Variants in EPHA6 observed in about 807,000 individuals in gnomAD.
EPHA6 encodes EPH receptor A6, also known as ephrin type-A receptor 6.
EPHA6 carries 50 observed loss-of-function variants against 112.0 expected under a neutral mutation model. The observed-to-expected ratio is 0.45, with a 90% CI of 0.36 to 0.56. The LOEUF is 0.56. Among genes scored for constraint, EPHA6 ranks in the 20% least tolerant of loss-of-function variants. The pLI is 0.00. For missense variants in EPHA6, 1,280 were observed against 1,417.4 expected (o/e 0.90, Z 1.56); for synonymous variants, 529 against 490.7 (o/e 1.08, Z -1.03).
chr3:97,209,471 CATTA>C (rs2077806159), intron 3 of EPHA6, among the ~76,000 whole-genome samples: 2 of 152,098 alleles, frequency 1.3e-5, no homozygotes, highest in South Asian at 2.1e-4. Flanking sequence ...AAAATGAGGA[CATTA>C]ATACTCACAT....
rs1379219378 is a variant in EPHA6 at position 97,358,244 on chromosome 3, A to G, written c.1607-46906A>G. On this transcript the variant is annotated intron_variant, in intron 5 of 17. Coordinates refer to ENST00000389672, the MANE Select transcript of EPHA6 (RefSeq NM_001080448.3). ...CATTTCCTTTTTCGTGTTTTTGGTA[A>G]CTATTTTCTTGGTGGTTATTATGGG... 2.0e-5 allele frequency among the ~76,000 whole-genome samples: 3 copies of G among 147,608 alleles called. No homozygotes were observed. The East Asian group carries it at 6.0e-4, about 29-fold the overall frequency.
At chr3:97,210,508 G>A (rs887833620) in intron 3 of EPHA6, among the ~76,000 whole-genome samples, 16 of 152,212 alleles carry the variant, frequency 1.1e-4, no homozygotes, top group African/African-American at 2.9e-4. Flanking sequence ...TTTGGGTGAG[G>A]ACACGGAGCC....
intron 14 of EPHA6, among the ~76,000 whole-genome samples, chr3:97,712,022 T>C (rs2033992709): frequency 6.6e-6 from 1 of 152,240 alleles, no homozygotes; most frequent in Non-Finnish European, 1.5e-5. Context: ...TCAAATGTTA[T>C]ATATCTGAAG....
In EPHA6 at chr3:97,749,170, G is replaced by T; in HGVS notation, c.*469G>T. 4.4e-6 allele frequency: 1 copy of T among 227,724 alleles called. No homozygotes were observed. Among genetic ancestry groups the T allele is most frequent in the Non-Finnish European group, 8.7e-6 (1 of 114,558 alleles). The allele number at this position is 227,724 out of a possible 1,614,324, so 14.1% of individuals were successfully genotyped here. A position where few individuals can be genotyped will look rare whatever the true frequency, so the allele number is the denominator to read the frequency against. ...TAGATAATTATATTCAGCTCTATTG[G>T]TTGTATTATTACTTTATTTTTTAAT... On this transcript the variant is annotated 3_prime_UTR_variant, in exon 18 of 18. Coordinates refer to ENST00000389672, the MANE Select transcript of EPHA6 (RefSeq NM_001080448.3).
chr3:96,993,524 C>T (rs919059668), intron 3 of EPHA6, among the ~76,000 whole-genome samples: 1 of 152,092 alleles, frequency 6.6e-6, no homozygotes, highest in Non-Finnish European at 1.5e-5. Context: ...TGAGCCACTG[C>T]TCCTGGCCCC....
intron 5 of EPHA6, among the ~76,000 whole-genome samples, chr3:97,266,214 A>G (rs557580274): frequency 2.0e-5 from 3 of 152,344 alleles, no homozygotes; most frequent in African/African-American, 7.2e-5. Flanking sequence ...CTAATGTGAA[A>G]ATAGAAGTGT....
In EPHA6 at chr3:97,342,231, A is replaced by T. The variant is rs116064798; in HGVS notation, c.1607-62919A>T. Among the ~76,000 whole-genome samples, 1,144 of 152,352 alleles carry T rather than the reference A, an allele frequency of 7.5e-3. 14 individuals are homozygous for T. Among genetic ancestry groups the T allele is most frequent in the African/African-American group, 0.026 (1,094 of 41,578 alleles). ...GTGTGTTTTTATTTTTAAGTAAAAAATACCTCTGATTCCAATTTTTAAGTA... is the reference window on the plus strand; with the variant it reads ...GTGTGTTTTTATTTTTAAGTAAAAATTACCTCTGATTCCAATTTTTAAGTA... On this transcript the variant is annotated intron_variant, in intron 5 of 17. Coordinates refer to ENST00000389672, the MANE Select transcript of EPHA6 (RefSeq NM_001080448.3).
chr3:97,294,170 G>A (rs2080795823), intron 5 of EPHA6, among the ~76,000 whole-genome samples: 2 of 152,192 alleles, frequency 1.3e-5, no homozygotes, highest in Admixed American at 1.3e-4. Context: ...GCTGCACGTG[G>A]GAGCGCAGGG....
intron 3 of EPHA6, among the ~76,000 whole-genome samples, chr3:97,167,229 A>G (rs980073976): frequency 6.6e-6 from 1 of 152,202 alleles, no homozygotes; most frequent in Admixed American, 6.6e-5. Flanking sequence ...TAAGAAATCA[A>G]AAGCATGTAT....
intron 2 of EPHA6, among the ~76,000 whole-genome samples, chr3:96,880,736 CTG>C (rs2037268911): frequency 6.6e-6 from 1 of 152,126 alleles, no homozygotes; most frequent in Admixed American, 6.5e-5. Flanking sequence ...TTTTTTATCT[CTG>C]TGGATTCACC....
intron 3 of EPHA6, among the ~76,000 whole-genome samples, chr3:97,034,731 TG>T (rs1346420873): frequency 6.6e-6 from 1 of 151,934 alleles, no homozygotes; most frequent in African/African-American, 2.4e-5. Flanking sequence ...TCTACTGAAA[TG>T]GTTATGTGCA....
intron 12 of EPHA6, among the ~76,000 whole-genome samples, chr3:97,598,821 G>T (rs2093617375): frequency 6.6e-6 from 1 of 151,878 alleles, no homozygotes; most frequent in Non-Finnish European, 1.5e-5. Context: ...TCTAGTTCTA[G>T]ATCCCTGAAG....
At chr3:97,306,170 G>T (rs912917917) in intron 5 of EPHA6, among the ~76,000 whole-genome samples, 2 of 151,782 alleles carry the variant, frequency 1.3e-5, no homozygotes, top group East Asian at 1.9e-4. Flanking sequence ...TCGTAGGTTG[G>T]TACCTATCCC....
At chr3:97,255,837 A>G (rs2079292118) in intron 5 of EPHA6, among the ~76,000 whole-genome samples, 1 of 151,008 alleles carries the variant, frequency 6.6e-6, no homozygotes, top group South Asian at 2.1e-4. Flanking sequence ...TCAGTAAATG[A>G]CATGCCATGT....
chr3:97,544,434 G>A (rs1244343000), intron 11 of EPHA6, among the ~76,000 whole-genome samples: 1 of 152,200 alleles, frequency 6.6e-6, no homozygotes, highest in African/African-American at 2.4e-5. Flanking sequence ...GCATCCCACG[G>A]ATGAAGCCCA....
chr3:97,563,283 C>T (rs181687992), intron 11 of EPHA6, among the ~76,000 whole-genome samples: 189 of 152,162 alleles, frequency 1.2e-3, no homozygotes, highest in Non-Finnish European at 2.0e-3. Flanking sequence ...GTTGGAGGGA[C>T]GTAGAATGTC....
At chr3:97,198,939 C>T (rs1279838852) in intron 3 of EPHA6, among the ~76,000 whole-genome samples, 3 of 152,096 alleles carry the variant, frequency 2.0e-5, no homozygotes, top group African/African-American at 7.2e-5. Context: ...ACTTGACATG[C>T]TCTCATGGCA....
At chr3:97,319,566 A>G (rs2082003018) in intron 5 of EPHA6, among the ~76,000 whole-genome samples, 1 of 151,084 alleles carries the variant, frequency 6.6e-6, no homozygotes, top group African/African-American at 2.4e-5. Flanking sequence ...ACTACTTGGA[A>G]GGCTGAGGCA....
intron 2 of EPHA6, among the ~76,000 whole-genome samples, chr3:96,944,251 T>A (rs1361727631): frequency 6.6e-6 from 1 of 152,206 alleles, no homozygotes; most frequent in Non-Finnish European, 1.5e-5. Context: ...TCATCTTACA[T>A]GATTTATCAG....
Sources: gnomAD v4.1 joint callset for allele counts (sites outside exome capture counted in the v4.1 genomes callset) on GRCh38, gnomAD v4.1.1 for gene constraint, MANE v1.5 for transcripts, NCBI Gene and HGNC (gene_info 2026-07-23, HGNC 2026-07-21) for gene names.